GTF2I: variants seen among roughly 807,000 people sequenced by gnomAD.
GTF2I encodes the protein general transcription factor II-I.
Under a neutral mutation model 67.6 loss-of-function variants are expected in GTF2I, and 12 were observed. That is an observed-to-expected ratio of 0.18 (90% CI 0.11 to 0.29). The LOEUF (loss-of-function observed/expected upper bound fraction) is 0.29, where lower values mean the gene tolerates loss of function less well. Ranked by LOEUF, GTF2I falls within the 10% of genes least tolerant of loss-of-function variation. The probability of loss-of-function intolerance (pLI) is 1.00; values close to 1 mark genes in which losing one functional copy is unlikely to be tolerated. For missense variants in GTF2I, 271 were observed against 580.1 expected, an observed-to-expected ratio of 0.47 and a Z score of 5.47; for synonymous variants, 149 against 197.0, an observed-to-expected ratio of 0.76 and a Z score of 2.04.
chr7:74,687,726 A>T (rs950455263), intron 1 of GTF2I, among the ~76,000 whole-genome samples: 2 of 152,220 alleles, frequency 1.3e-5, no homozygotes, highest in South Asian at 4.1e-4. Flanking sequence ...TTCTGCTGAC[A>T]GCTCCTCAGC....
chr7:74,724,254 G>C (rs587610904), intron 12 of GTF2I, among the ~76,000 whole-genome samples: 2 of 152,278 alleles, frequency 1.3e-5, no homozygotes, highest in South Asian at 2.1e-4. Context: ...GAAATGTATA[G>C]GGTAATTAAT....
intron 6 of GTF2I, among the ~76,000 whole-genome samples, chr7:74,703,855 C>A (rs1790188643): frequency 1.3e-5 from 2 of 152,142 alleles, no homozygotes; most frequent in Admixed American, 1.3e-4. Context: ...ATAAATTCAT[C>A]TTTTTGCACG....
intron 3 of GTF2I, among the ~76,000 whole-genome samples, chr7:74,697,970 G>C (rs782577273): frequency 6.7e-6 from 1 of 149,262 alleles, no homozygotes; most frequent in Non-Finnish European, 1.5e-5. Flanking sequence ...TTGTTTGTTT[G>C]TTTGAGACGG....
intron 12 of GTF2I, among the ~76,000 whole-genome samples, chr7:74,728,244 GTGAGCCAAGATTGCATCAC>G (rs1794119975): frequency 6.6e-6 from 1 of 152,180 alleles, no homozygotes; most frequent in South Asian, 2.1e-4. Context: ...GGAGGTTGCA[GTGAGCCAAGATTGCATCAC>G]TGAACTCCAG....
At chr7:74,712,239 G>A (rs1191714953) in intron 9 of GTF2I, among the ~76,000 whole-genome samples, 1 of 151,990 alleles carries the variant, frequency 6.6e-6, no homozygotes, top group Non-Finnish European at 1.5e-5. Context: ...GGGCTAACAC[G>A]CTTTTTTAAA....
chr7:74,749,393 AT>A lies in GTF2I; in HGVS notation c.2364del (p.Pro789ArgfsTer40). ...ATTCCGAAGACCATCGACTTTTGGC[AT>A]TCCGAGGCTGGAGAAGATACTCAGA... Reference protein sequence around the residue: ...VPFRRPSTFGIPRLEKILRNK... With the variant: ...VPFRRPSTFGXPRLEKILRNK... On this transcript the variant is annotated frameshift_variant, in exon 26 of 35. Transcript: ENST00000573035. LOFTEE classifies it high-confidence loss of function. 3.5e-6 allele frequency: 1 copy of A among 285,634 alleles called. No individual in the cohort carries two copies. The highest frequency in any genetic ancestry group is 6.3e-6 in the Non-Finnish European group (1 of 157,920). The allele number at this position is 285,634 out of a possible 1,614,324, so 17.7% of individuals were successfully genotyped here.
chr7:74,677,446 G>C (rs1554392715), intron 1 of GTF2I, among the ~76,000 whole-genome samples: 1 of 152,076 alleles, frequency 6.6e-6, no homozygotes, highest in Non-Finnish European at 1.5e-5. Context: ...ATACATTCAA[G>C]AATATGATGA....
chr7:74,730,027 CCA>C (rs1416353045), intron 13 of GTF2I, among the ~76,000 whole-genome samples, 200 bp from the exon 14 acceptor site: 1 of 63,206 alleles, frequency 1.6e-5, no homozygotes, highest in African/African-American at 6.2e-5. Flanking sequence ...ATGGCAAAAG[CCA>C]CAGTTACTTT....
At chr7:74,702,604 AC>A (rs1789960420) in intron 6 of GTF2I, among the ~76,000 whole-genome samples, 2 of 152,126 alleles carry the variant, frequency 1.3e-5, no homozygotes, top group Admixed American at 1.3e-4. Flanking sequence ...TAGGAGGGTT[AC>A]CCCCACATTG....
intron 1 of GTF2I, among the ~76,000 whole-genome samples, chr7:74,683,873 C>A (rs1343090245): frequency 2.0e-5 from 3 of 151,962 alleles, no homozygotes; most frequent in Admixed American, 6.6e-5. Flanking sequence ...AAAAAAAAAA[C>A]TTAAAAACTC....
intron 1 of GTF2I, among the ~76,000 whole-genome samples, chr7:74,686,577 T>G (rs1177028466): frequency 1.3e-5 from 2 of 152,232 alleles, no homozygotes; most frequent in African/African-American, 4.8e-5. Flanking sequence ...AATGAAAGTG[T>G]ACGCTAAGTG....
chr7:74,692,453 A>G (rs1490114114), intron 3 of GTF2I, among the ~76,000 whole-genome samples: 1 of 152,202 alleles, frequency 6.6e-6, no homozygotes, highest in Non-Finnish European at 1.5e-5. Context: ...TTGCAAAATT[A>G]AACAGTTCTC....
chr7:74,681,819 G>A (rs1345883149), intron 1 of GTF2I, among the ~76,000 whole-genome samples: 1 of 152,200 alleles, frequency 6.6e-6, no homozygotes, highest in East Asian at 1.9e-4. Context: ...GGCTGAGGCA[G>A]GAGAATCACT....
At chr7:74,747,861 T>G (rs1178476885) in intron 23 of GTF2I, among the ~76,000 whole-genome samples, 154 bp from the exon 24 acceptor site, 1 of 109,710 alleles carries the variant, frequency 9.1e-6, no homozygotes, top group East Asian at 3.5e-4. Flanking sequence ...AATAGAAAAA[T>G]GGTTTCTGTG....
chr7:74,685,450 T>C (rs781954916), intron 1 of GTF2I, among the ~76,000 whole-genome samples: 1 of 150,788 alleles, frequency 6.6e-6, no homozygotes, highest in African/African-American at 2.4e-5. Flanking sequence ...TGAGCTGAGA[T>C]AGCGCCATTG....
intron 1 of GTF2I, among the ~76,000 whole-genome samples, chr7:74,682,764 CAG>C (rs1232412636): frequency 4.6e-5 from 7 of 152,132 alleles, no homozygotes; most frequent in Non-Finnish European, 8.8e-5. Context: ...TTGGAATTAT[CAG>C]AGACTATAAA....
At chr7:74,691,137 C>T in intron 3 of GTF2I, 26 bp downstream of exon 3, 2 of 1,475,120 alleles carry the variant, frequency 1.4e-6, no homozygotes, top group Non-Finnish European at 1.9e-6. Context: ...TTATCTTTTG[C>T]ATTTCATTAA....
At chr7:74,717,066 A>G (rs1201806498) in intron 11 of GTF2I, 116 bp downstream of exon 11, 2 of 1,409,098 alleles carry the variant, frequency 1.4e-6, no homozygotes, top group African/African-American at 2.9e-5. Flanking sequence ...TTCCCTTGGT[A>G]TGCCTTCCTA....
chr7:74,687,469 C>T (rs782215477), intron 1 of GTF2I: 12 of 566,832 alleles, frequency 2.1e-5, no homozygotes, highest in African/African-American at 1.0e-4. Flanking sequence ...GAGATCCACC[C>T]GCCTCGGCCT....
Sources: gnomAD v4.1 joint callset for allele counts (sites outside exome capture counted in the v4.1 genomes callset) on GRCh38, gnomAD v4.1.1 for gene constraint, MANE v1.5 for transcripts, NCBI Gene and HGNC (gene_info 2026-07-23, HGNC 2026-07-21) for gene names.